The following DISP1 variants were observed in gnomAD, a reference collection of about 807,000 sequenced individuals.
DISP1 encodes protein dispatched homolog 1.
Under a neutral mutation model 37.3 loss-of-function variants are expected in DISP1, and 30 were observed. The observed-to-expected ratio is 0.80, with a 90% CI of 0.60 to 1.09. The LOEUF is 1.09. DISP1 is among the 50% of genes least tolerant of loss of function. The pLI is 0.00. For synonymous variants in DISP1, 634 were observed against 690.2 expected (o/e 0.92, Z 1.28); for missense variants, 1,598 against 1,879.5 (o/e 0.85, Z 2.77).
At chr1:222,899,893 G>A (rs1373626149) in intron 1 of DISP1, 1 of 152,156 alleles carries the variant, frequency 6.6e-6, no homozygotes, top group Non-Finnish European at 1.5e-5. Flanking sequence ...TGGCCAGCAA[G>A]AGGAAGTTTA....
At chr1:222,924,878 A>G (rs1672994921) in intron 1 of DISP1, among the ~76,000 whole-genome samples, 1 of 152,160 alleles carries the variant, frequency 6.6e-6, no homozygotes, top group South Asian at 2.1e-4. Flanking sequence ...TTCTAAAAGT[A>G]CCAAGTGTTG....
chr1:222,873,150 A>G (rs535767182), intron 1 of DISP1, among the ~76,000 whole-genome samples: 3 of 151,856 alleles, frequency 2.0e-5, no homozygotes, highest in Admixed American at 2.0e-4. Flanking sequence ...AGTTTGTTAT[A>G]ATTTCTGTTC....
intron 1 of DISP1, among the ~76,000 whole-genome samples, chr1:222,840,213 A>G (rs931004333): frequency 5.9e-5 from 9 of 152,072 alleles, no homozygotes; most frequent in African/African-American, 1.9e-4. Flanking sequence ...CACTGTATAA[A>G]TTTAATCTCC....
intron 3 of DISP1, among the ~76,000 whole-genome samples, chr1:222,944,571 A>G (rs946395952): frequency 6.6e-6 from 1 of 152,196 alleles, no homozygotes; most frequent in African/African-American, 2.4e-5. Context: ...AGTGTAACCC[A>G]TATTTTGGTC....
At chr1:222,891,719 G>GCTTT (rs778133594) in intron 1 of DISP1, among the ~76,000 whole-genome samples, 17,302 of 152,148 alleles carry the variant, frequency 0.11, 1,343 homozygotes, top group South Asian at 0.16. Context: ...AGTAGGATGA[G>GCTTT]ACCTGGAGAG....
intron 1 of DISP1, among the ~76,000 whole-genome samples, chr1:222,832,739 A>G (rs959282790): frequency 4.6e-5 from 7 of 152,086 alleles, no homozygotes; most frequent in African/African-American, 1.7e-4. Context: ...TACTAAAAAT[A>G]CAAAAAATCA....
chr1:222,995,513 T>A (rs187241203), intron 8 of DISP1, among the ~76,000 whole-genome samples: 1 of 152,212 alleles, frequency 6.6e-6, no homozygotes, highest in Admixed American at 6.5e-5. Flanking sequence ...AGTAATCCAA[T>A]CCAAACTGCC....
chr1:223,003,141 A>C lies in DISP1; in HGVS notation c.1744A>C (p.Asn582His). The C allele has an allele frequency of 1.2e-6, 2 of 1,614,178 alleles. No individual in the cohort carries two copies. The highest frequency in any genetic ancestry group is 8.5e-7 in the Non-Finnish European group (1 of 1,180,040). The part of the protein sequence containing the change: ...DDAFVLCDVW[N>H]YTKFDKPHAE... ...TGCTTTTGTCCTGTGTGATGTTTGG[A>C]ACTACACAAAATTTGATAAGCCTCA... The change falls in exon 9 of 9, where the codon AAC becomes CAC. Residue 582 changes from asparagine (N) to histidine (H), a missense_variant. Physicochemically the swap from Asn to His is moderately conservative, Grantham distance 68. Transcript: ENST00000675850. This position sits in a 1 kb window ranked among gnomAD's most constrained non-coding sequence, Gnocchi z 4.3.
intron 1 of DISP1, among the ~76,000 whole-genome samples, chr1:222,874,258 G>C (rs981695856): frequency 6.6e-6 from 1 of 152,072 alleles, no homozygotes; most frequent in Non-Finnish European, 1.5e-5. Flanking sequence ...GTGTCTTGGA[G>C]TTGCTCTTCT....
intron 3 of DISP1, among the ~76,000 whole-genome samples, chr1:222,959,811 A>G (rs1675912688): frequency 6.6e-6 from 1 of 151,924 alleles, no homozygotes; most frequent in Non-Finnish European, 1.5e-5. Flanking sequence ...AGAAAAAAAA[A>G]AAAAGCAAGC....
intron 2 of DISP1, among the ~76,000 whole-genome samples, chr1:222,938,460 C>CA (rs1402683787): frequency 6.6e-6 from 1 of 151,724 alleles, no homozygotes; most frequent in Non-Finnish European, 1.5e-5. Flanking sequence ...GGAGGCTGGG[C>CA]ATGGTGGCTC....
chr1:222,950,815 C>T (rs1036690507), intron 3 of DISP1, among the ~76,000 whole-genome samples: 22 of 152,046 alleles, frequency 1.4e-4, no homozygotes, highest in African/African-American at 4.3e-4. Context: ...TTCTTATTGC[C>T]GTATTAAAGT....
At chr1:222,986,306 GAAAAAAAATCT>G (rs1678273227) in intron 4 of DISP1, among the ~76,000 whole-genome samples, 1 of 151,650 alleles carries the variant, frequency 6.6e-6, no homozygotes, top group African/African-American at 2.4e-5. Context: ...AAGAGCAAGG[GAAAAAAAATCT>G]TTGTAAGCTA....
intron 1 of DISP1, among the ~76,000 whole-genome samples, chr1:222,881,489 G>T (rs1218766246): frequency 6.6e-6 from 1 of 152,104 alleles, no homozygotes; most frequent in Admixed American, 6.6e-5. Flanking sequence ...AGCCACCGCC[G>T]CTGGCCTAGA....
At chr1:222,867,671 G>A (rs1669274040) in intron 1 of DISP1, among the ~76,000 whole-genome samples, 1 of 152,172 alleles carries the variant, frequency 6.6e-6, no homozygotes, top group South Asian at 2.1e-4. Flanking sequence ...TAACTAACTT[G>A]TCAATGTCAC....
At chr1:222,996,449 ATCTCACCTTGGATG>A (rs1679079074) in intron 8 of DISP1, among the ~76,000 whole-genome samples, 1 of 152,140 alleles carries the variant, frequency 6.6e-6, no homozygotes, top group Non-Finnish European at 1.5e-5. Context: ...TTACTTTATA[ATCTCACCTTGGATG>A]AGTACAGTTC....
intron 1 of DISP1, among the ~76,000 whole-genome samples, chr1:222,881,331 G>T (rs1670261117): frequency 1.3e-5 from 2 of 152,130 alleles, no homozygotes; most frequent in African/African-American, 4.8e-5. Flanking sequence ...GAATAACTGG[G>T]ATTACAGGCA....
At chr1:222,931,797 G>C (rs752607608) in intron 2 of DISP1, among the ~76,000 whole-genome samples, 1 of 150,372 alleles carries the variant, frequency 6.7e-6, no homozygotes, top group African/African-American at 2.4e-5. Flanking sequence ...ACTTTTTCTT[G>C]AGTGTTAAAT....
At position 222,893,119 on chromosome 1, in the gene DISP1, C is replaced by G. The variant is rs1007913743; in HGVS notation, c.-158-35311C>G. On this transcript the variant is annotated intron_variant, in intron 1 of 8. Transcript: ENST00000675850. This position sits in a 1 kb window ranked among gnomAD's most constrained non-coding sequence, Gnocchi z 4.3. ...TCAGGTATAGATCATTTTTATGTTA[C>G]GAAAATATCGATCTTATCACAATAC... Among the ~76,000 whole-genome samples the G allele has an allele frequency of 6.6e-6, 1 of 151,900 alleles. No homozygotes were observed. Among genetic ancestry groups the G allele is most frequent in the African/African-American group, 2.4e-5 (1 of 41,340 alleles).
Sources: gnomAD v4.1 joint callset for allele counts (sites outside exome capture counted in the v4.1 genomes callset) on GRCh38, gnomAD v4.1.1 for gene constraint, Gnocchi (gnomAD v3.1) non-coding constraint, MANE v1.5 for transcripts, NCBI Gene and HGNC (gene_info 2026-07-23, HGNC 2026-07-21) for gene names.